KCTD1: variants seen among roughly 807,000 people sequenced by gnomAD.
KCTD1 encodes the protein BTB/POZ domain-containing protein KCTD1.
A neutral mutation model predicts 66.0 loss-of-function variants in KCTD1; 24 were observed. That is an observed-to-expected ratio of 0.36 (90% CI 0.26 to 0.51). KCTD1 has a LOEUF of 0.51. KCTD1 is among the 20% of genes least tolerant of loss of function. The pLI is 0.95. For synonymous variants in KCTD1, 511 were observed against 517.2 expected, an observed-to-expected ratio of 0.99 and a Z score of 0.16; for missense variants, 943 against 1,205.2, an observed-to-expected ratio of 0.78 and a Z score of 3.22.
chr18:26,535,971 CAAAAA>C (rs36119174), intron 1 of KCTD1, among the ~76,000 whole-genome samples: 10 of 122,790 alleles, frequency 8.1e-5, no homozygotes, highest in East Asian at 2.5e-4. Context: ...GTGATTCCTC[CAAAAA>C]AAAAAAAAAA....
At chr18:26,496,740 G>GCACGCACACA (rs1555635322) in intron 2 of KCTD1, among the ~76,000 whole-genome samples, 2 of 148,094 alleles carry the variant, frequency 1.4e-5, no homozygotes, top group African/African-American at 5.0e-5. Flanking sequence ...AAAAGCATGT[G>GCACGCACACA]CACACACACA....
intron 1 of KCTD1, among the ~76,000 whole-genome samples, chr18:26,524,204 G>A (rs1402861123): frequency 6.6e-6 from 1 of 152,168 alleles, no homozygotes; most frequent in Non-Finnish European, 1.5e-5. Context: ...GGGGTAGGGG[G>A]ATGCCTGTTG....
intron 3 of KCTD1, among the ~76,000 whole-genome samples, chr18:26,475,164 C>T (rs568244786): frequency 2.0e-5 from 3 of 152,260 alleles, no homozygotes; most frequent in South Asian, 2.1e-4. Context: ...TCTGTTTTGA[C>T]GTTGATAGGA....
intron 1 of KCTD1, among the ~76,000 whole-genome samples, chr18:26,534,913 C>T (rs1984615793): frequency 6.6e-6 from 1 of 152,286 alleles, no homozygotes; most frequent in South Asian, 2.1e-4. Context: ...ACTCTCATCA[C>T]CAAAGTATTC....
upstream of KCTD1, chr18:26,549,637 G>T: frequency 1.1e-6 from 1 of 874,332 alleles, no homozygotes; most frequent in Non-Finnish European, 1.4e-6. Flanking sequence ...TCTCCCTAAG[G>T]CCCATCGGGC....
upstream of KCTD1, among the ~76,000 whole-genome samples, chr18:26,550,223 G>A (rs1435684157): frequency 6.6e-6 from 1 of 152,240 alleles, no homozygotes; most frequent in Admixed American, 6.5e-5. The surrounding 1 kb of genome is among the most constrained non-coding windows in gnomAD (Gnocchi z 5.4). Flanking sequence ...ATTCTCGGCA[G>A]TTAGGCTGTG....
intron 1 of KCTD1, chr18:26,599,917 A>T: frequency 6.4e-7 from 1 of 1,566,076 alleles, no homozygotes; most frequent in Non-Finnish European, 8.8e-7. Flanking sequence ...GGGTTCTTCT[A>T]GTCAGCTTAA....
chr18:26,609,389 T>G (rs1395520771), intron 1 of KCTD1, among the ~76,000 whole-genome samples: 1 of 152,166 alleles, frequency 6.6e-6, no homozygotes, highest in Non-Finnish European at 1.5e-5. Flanking sequence ...ACTGCCACGC[T>G]GGGAATGAAG....
chr18:26,488,736 A>T (rs1425824808), intron 2 of KCTD1, among the ~76,000 whole-genome samples: 1 of 152,212 alleles, frequency 6.6e-6, no homozygotes, highest in Non-Finnish European at 1.5e-5. Context: ...TTGCATAAGA[A>T]TAAAAATAAT....
At chr18:26,584,277 G>A (rs1304501973) in intron 1 of KCTD1, among the ~76,000 whole-genome samples, 9 of 152,152 alleles carry the variant, frequency 5.9e-5, no homozygotes, top group Non-Finnish European at 1.3e-4. Context: ...TGTGCTGCAC[G>A]TATAAAATAC....
At chr18:26,643,285 C>T (rs976522055), upstream of KCTD1, among the ~76,000 whole-genome samples, 29 of 152,168 alleles carry the variant, frequency 1.9e-4, no homozygotes, top group Admixed American at 1.5e-3. Flanking sequence ...CCTACCCTTA[C>T]GAACTGGTAA....
intron 1 of KCTD1, among the ~76,000 whole-genome samples, chr18:26,538,662 A>G (rs1467891639): frequency 6.6e-6 from 1 of 152,212 alleles, no homozygotes; most frequent in Non-Finnish European, 1.5e-5. Flanking sequence ...ACAAAATGAT[A>G]GCAAATATTC....
intron 1 of KCTD1, among the ~76,000 whole-genome samples, chr18:26,518,772 G>A (rs1347235936): frequency 1.3e-5 from 2 of 151,748 alleles, no homozygotes; most frequent in African/African-American, 4.8e-5. Flanking sequence ...CAAACTCCTG[G>A]CCTCAAGTGA....
intron 3 of KCTD1, among the ~76,000 whole-genome samples, chr18:26,466,527 G>A (rs1425592105): frequency 1.3e-5 from 2 of 152,160 alleles, no homozygotes; most frequent in African/African-American, 4.8e-5. Context: ...CGGGAAGGGG[G>A]TGCTACTGGA....
Position 26,455,770 on chromosome 18 carries a change from G to A in KCTD1, c.2571C>T (p.Ile857=). The A allele has an allele frequency of 6.2e-7, 1 of 1,614,110 alleles. No homozygotes were observed. Residue 857 remains isoleucine, a synonymous_variant, in exon 5 of 5, where the codon ATC becomes ATT. Transcript: ENST00000580059. ...LRRTPRVPSV[I]RIKQEPLD Reference sequence around the variant, plus strand: ...AGTCCAGAGGCTCTTGCTTTATCCGGATGACGGAGGGTACACGGGGCGTCC... The same window carrying A: ...AGTCCAGAGGCTCTTGCTTTATCCGAATGACGGAGGGTACACGGGGCGTCC...
At chr18:26,484,788 G>T (rs1197915699) in intron 2 of KCTD1, among the ~76,000 whole-genome samples, 2 of 152,188 alleles carry the variant, frequency 1.3e-5, no homozygotes, top group East Asian at 3.9e-4. Context: ...GGCAGGGAAG[G>T]CCTCCTGCTG....
At chr18:26,616,390 A>G (rs771297291) in intron 1 of KCTD1, among the ~76,000 whole-genome samples, 2 of 150,900 alleles carry the variant, frequency 1.3e-5, no homozygotes, top group Admixed American at 6.6e-5. Context: ...TTATATGCCT[A>G]TTTCTTTTTT....
intron 2 of KCTD1, among the ~76,000 whole-genome samples, chr18:26,497,973 T>C (rs1982564965): frequency 6.6e-6 from 1 of 152,138 alleles, no homozygotes; most frequent in Non-Finnish European, 1.5e-5. Flanking sequence ...TATTTGGAAT[T>C]TGAGAAGAAA....
intron 1 of KCTD1, among the ~76,000 whole-genome samples, chr18:26,646,447 G>A (rs1477352006): frequency 1.3e-5 from 2 of 152,190 alleles, no homozygotes; most frequent in Non-Finnish European, 2.9e-5. Flanking sequence ...ATCAGCTCTT[G>A]AATAACCAAA....
Sources: allele counts gnomAD v4.1 joint callset (sites outside exome capture counted in the v4.1 genomes callset), GRCh38; gene constraint gnomAD v4.1.1; non-coding constraint Gnocchi (gnomAD v3.1); transcripts MANE v1.5; gene names NCBI Gene and HGNC (gene_info 2026-07-23, HGNC 2026-07-21).